Variants in CNBD1 observed in about 807,000 individuals in gnomAD.
The protein encoded by CNBD1 is cyclic nucleotide binding domain containing 1.
CNBD1 carries 71 observed loss-of-function variants against 54.4 expected under a neutral mutation model. That is an observed-to-expected ratio of 1.30 (90% CI 1.08 to 1.59). The LOEUF is 1.59. Among genes scored for constraint, CNBD1 ranks in the 40% most tolerant of loss-of-function variants. CNBD1 has a pLI of 0.00. For missense variants in CNBD1, 659 were observed against 518.0 expected (o/e 1.27, Z -2.64); for synonymous variants, 182 against 170.7 (o/e 1.07, Z -0.51).
intron 4 of CNBD1, among the ~76,000 whole-genome samples, chr8:87,187,470 C>CTT (rs5893014): frequency 0.13 from 18,114 of 141,772 alleles, 2,015 homozygotes; most frequent in African/African-American, 0.3. Flanking sequence ...ATATCCTTCT[C>CTT]TTTTTTTTTT....
chr8:87,423,554 C>T (rs530007870), intron 2 of CNBD1, among the ~76,000 whole-genome samples: 1 of 150,270 alleles, frequency 6.7e-6, no homozygotes, highest in East Asian at 1.9e-4. Flanking sequence ...CTGTCTTTGG[C>T]TCTGTTTATA....
At chr8:87,173,646 G>A (rs1055142624) in intron 4 of CNBD1, among the ~76,000 whole-genome samples, 1 of 146,882 alleles carries the variant, frequency 6.8e-6, no homozygotes, top group Non-Finnish European at 1.5e-5. Flanking sequence ...CAGACCTATT[G>A]GAGCTCCATT....
chr8:87,338,914 C>G (rs977237282), intron 8 of CNBD1, among the ~76,000 whole-genome samples: 1 of 152,106 alleles, frequency 6.6e-6, no homozygotes, highest in African/African-American at 2.4e-5. Context: ...TAATCCTATA[C>G]TCAGACCTCA....
chr8:87,191,980 C>A (rs1176823749), intron 4 of CNBD1, among the ~76,000 whole-genome samples: 15 of 151,836 alleles, frequency 9.9e-5, no homozygotes, highest in Admixed American at 9.8e-4. Context: ...ATAACATTAC[C>A]AATAATTGGT....
intron 4 of CNBD1, among the ~76,000 whole-genome samples, chr8:87,079,704 A>G (rs1810947585): frequency 6.6e-6 from 1 of 152,086 alleles, no homozygotes; most frequent in South Asian, 2.1e-4. Context: ...AGTTAGAAGG[A>G]CTTCTTATTG....
chr8:86,997,189 C>T (rs1166309344), intron 4 of CNBD1, among the ~76,000 whole-genome samples: 1 of 152,136 alleles, frequency 6.6e-6, no homozygotes, highest in Non-Finnish European at 1.5e-5. Flanking sequence ...AATTAACAGA[C>T]ATGAACAGTG....
intron 4 of CNBD1, among the ~76,000 whole-genome samples, chr8:87,040,170 C>T (rs912515136): frequency 1.4e-4 from 22 of 152,094 alleles, no homozygotes; most frequent in Admixed American, 4.6e-4. Context: ...CAGTCTAGTT[C>T]CCAGGAGGAA....
chr8:87,056,730 T>C (rs1446114113), intron 4 of CNBD1, among the ~76,000 whole-genome samples: 1 of 152,126 alleles, frequency 6.6e-6, no homozygotes, highest in Non-Finnish European at 1.5e-5. Flanking sequence ...ACTGATTATA[T>C]AATACTTCTA....
In CNBD1 at chr8:87,349,442, C is replaced by A. The variant is rs574934390; in HGVS notation, c.1043-2243C>A. On this transcript the variant is annotated intron_variant, in intron 8 of 10. Coordinates refer to ENST00000518476, the MANE Select transcript of CNBD1 (RefSeq NM_173538.3). ...TCAGGTGGGAGTGCAGTGTCATGAG[C>A]TCAGCTCACTGCAACCTCTGCTTCC... Among the ~76,000 whole-genome samples, 4 of 152,268 alleles carry A rather than the reference C, an allele frequency of 2.6e-5. No individual in the cohort carries two copies. In the South Asian group the frequency reaches 8.3e-4, roughly 32 times the overall value.
At chr8:87,106,641 T>C (rs1377926159) in intron 4 of CNBD1, among the ~76,000 whole-genome samples, 1 of 152,238 alleles carries the variant, frequency 6.6e-6, no homozygotes, top group Non-Finnish European at 1.5e-5. Flanking sequence ...TGTGCTTCTC[T>C]ACCCTTTTTT....
chr8:87,304,446 T>A (rs1011369289), intron 8 of CNBD1, among the ~76,000 whole-genome samples: 3 of 149,152 alleles, frequency 2.0e-5, no homozygotes, highest in Non-Finnish European at 4.4e-5. Flanking sequence ...TGAGAACACA[T>A]GGACACAGGA....
intron 3 of CNBD1, among the ~76,000 whole-genome samples, chr8:86,914,610 A>C (rs1249302520): frequency 6.6e-6 from 1 of 152,220 alleles, no homozygotes; most frequent in African/African-American, 2.4e-5. Context: ...AAAGTTGGTT[A>C]ATTTTGAAGA....
At chr8:87,195,572 T>C (rs1339758893) in intron 4 of CNBD1, among the ~76,000 whole-genome samples, 2 of 151,634 alleles carry the variant, frequency 1.3e-5, no homozygotes, top group South Asian at 2.1e-4. Context: ...GTTTTTTTTT[T>C]TTTTTTAATT....
chr8:87,028,137 G>A (rs1306865999), intron 4 of CNBD1, among the ~76,000 whole-genome samples: 1 of 152,166 alleles, frequency 6.6e-6, no homozygotes, highest in African/African-American at 2.4e-5. Context: ...AGTTAGGCTT[G>A]TTCAACTTGC....
chr8:86,966,452 T>G (rs1808076460), intron 4 of CNBD1, among the ~76,000 whole-genome samples: 1 of 152,168 alleles, frequency 6.6e-6, no homozygotes, highest in South Asian at 2.1e-4. Flanking sequence ...GTTTATTCCT[T>G]CAGATGTTCA....
chr8:87,424,282 C>A (rs901372876), intron 2 of CNBD1, among the ~76,000 whole-genome samples: 2 of 151,854 alleles, frequency 1.3e-5, no homozygotes, highest in Non-Finnish European at 2.9e-5. Context: ...TCCTTCAGTT[C>A]TGCTCTGATT....
chr8:87,351,822 A>G (rs941837319), intron 9 of CNBD1, 28 bp downstream of exon 9: 2 of 1,429,830 alleles, frequency 1.4e-6, no homozygotes, highest in East Asian at 2.8e-5. Context: ...ATTCTTTTTA[A>G]TCAATTAATC....
chr8:86,918,551 C>T (rs2131822236), intron 3 of CNBD1, among the ~76,000 whole-genome samples: 1 of 152,002 alleles, frequency 6.6e-6, no homozygotes, highest in South Asian at 2.1e-4. Context: ...ATACTGTTCT[C>T]ATGGTAATGA....
intron 5 of CNBD1, among the ~76,000 whole-genome samples, chr8:87,213,367 C>T (rs1814142246): frequency 6.6e-6 from 1 of 152,074 alleles, no homozygotes; most frequent in Non-Finnish European, 1.5e-5. Context: ...ATACCTGAGA[C>T]TGGATAATTT....
Sources: gnomAD v4.1 joint callset for allele counts (sites outside exome capture counted in the v4.1 genomes callset) on GRCh38, gnomAD v4.1.1 for gene constraint, MANE v1.5 for transcripts, NCBI Gene and HGNC (gene_info 2026-07-23, HGNC 2026-07-21) for gene names.